Variants in TECRL observed in about 807,000 individuals in gnomAD.
TECRL encodes trans-2,3-enoyl-CoA reductase like, also known as trans-2,3-enoyl-CoA reductase-like.
TECRL carries 63 observed loss-of-function variants against 52.8 expected under a neutral mutation model. The observed-to-expected ratio is 1.19, with a 90% confidence interval of 0.97 to 1.47. TECRL has a LOEUF of 1.47. Ranked by LOEUF, TECRL falls within the 40% of genes most tolerant of loss-of-function variation. The pLI, the probability that TECRL is intolerant of heterozygous loss-of-function variation, is 0.00. For missense variants in TECRL, 482 were observed against 429.6 expected (o/e 1.12, Z -1.08); for synonymous variants, 164 against 141.9 (o/e 1.16, Z -1.10).
At chr4:64,285,361 T>C (rs977796026) in intron 9 of TECRL, among the ~76,000 whole-genome samples, 1 of 152,146 alleles carries the variant, frequency 6.6e-6, no homozygotes, top group Non-Finnish European at 1.5e-5. Context: ...CCCTTTGGCA[T>C]GGTTCTCATT....
Position 64,352,495 on chromosome 4 carries a change from T to C in TECRL, c.286+22677A>G, listed in dbSNP as rs79533573. On this transcript the variant is annotated intron_variant, in intron 2 of 11. Transcript: ENST00000381210. ...TATTGCTTTTCTCCAATGAAGATGC[T>C]GAGCTCAATAATTTCAATTACTTTT... Among the ~76,000 whole-genome samples the C allele has an allele frequency of 2.6e-3, 400 of 152,320 alleles. 11 individuals are homozygous for C. The East Asian group carries it at 0.062, about 24-fold the overall frequency.
intron 1 of TECRL, among the ~76,000 whole-genome samples, chr4:64,388,561 A>C (rs2109737916): frequency 6.6e-6 from 1 of 152,028 alleles, no homozygotes; most frequent in South Asian, 2.1e-4. Context: ...TGCACAAAAT[A>C]ACTTGCTGGG....
At chr4:64,406,233 G>A (rs1464105737) in intron 1 of TECRL, among the ~76,000 whole-genome samples, 3 of 151,280 alleles carry the variant, frequency 2.0e-5, no homozygotes, top group African/African-American at 7.3e-5. Flanking sequence ...TTTCATCCTA[G>A]GACTTTTCTC....
chr4:64,356,135 C>A (rs1335921814), intron 2 of TECRL, among the ~76,000 whole-genome samples: 1 of 152,162 alleles, frequency 6.6e-6, no homozygotes, highest in Admixed American at 6.5e-5. Flanking sequence ...CATCGCCATT[C>A]TCTAATCTCG....
chr4:64,326,781 C>T (rs1349411663), intron 3 of TECRL, among the ~76,000 whole-genome samples: 1 of 152,064 alleles, frequency 6.6e-6, no homozygotes, highest in Non-Finnish European at 1.5e-5. Flanking sequence ...AAATTTTACC[C>T]ATGAAAATCA....
Position 64,289,702 on chromosome 4 carries a change from G to A in TECRL, c.832+8C>T. 6.6e-7 allele frequency: 1 copy of A among 1,521,460 alleles called. No individual in the cohort carries two copies. The highest frequency in any genetic ancestry group is 8.7e-7 in the Non-Finnish European group (1 of 1,143,672). 94.2% of individuals were successfully genotyped at this position (1,521,460 alleles called of 1,614,324 possible). A position where few individuals can be genotyped will look rare whatever the true frequency, so the allele number is the denominator to read the frequency against. The stretch of plus-strand genomic sequence containing the variant: ...CTCTAAAGAAAAGAAAAAGAAAAAA[G>A]AACTAACCTGTGTGATTGGGATGAG... On this transcript the variant is annotated splice_region_variant and intron_variant, in intron 9 of 11. Transcript: ENST00000381210.
At chr4:64,314,840 C>T in intron 4 of TECRL, 77 bp from the exon 5 acceptor site, 3 of 1,002,522 alleles carry the variant, frequency 3.0e-6, no homozygotes, top group Non-Finnish European at 4.6e-6. Context: ...TGAGTATTAG[C>T]CTACTGCATA....
At chr4:64,350,190 A>G (rs913380147) in intron 2 of TECRL, among the ~76,000 whole-genome samples, 1 of 152,202 alleles carries the variant, frequency 6.6e-6, no homozygotes, top group Non-Finnish European at 1.5e-5. Context: ...TTTAGTTTCA[A>G]TTTATCCTGT....
downstream of TECRL, chr4:64,277,146 T>A (rs1283754853): frequency 6.0e-6 from 5 of 839,200 alleles, no homozygotes; most frequent in Admixed American, 2.5e-5. Flanking sequence ...AGGGAATAAC[T>A]GATACAAAAA....
At chr4:64,296,083 G>A (rs1377219830) in intron 8 of TECRL, among the ~76,000 whole-genome samples, 1 of 151,890 alleles carries the variant, frequency 6.6e-6, no homozygotes, top group Non-Finnish European at 1.5e-5. Context: ...TCAATGGTAG[G>A]TAAGTGATCA....
chr4:64,309,688 G>C (rs1724550738), intron 6 of TECRL, 138 bp downstream of exon 6: 5 of 677,702 alleles, frequency 7.4e-6, no homozygotes. Context: ...TGACATTTTA[G>C]GAAAAGAATG....
At chr4:64,373,415 T>C (rs1722119814) in intron 2 of TECRL, among the ~76,000 whole-genome samples, 1 of 151,862 alleles carries the variant, frequency 6.6e-6, no homozygotes, top group Admixed American at 6.6e-5. Context: ...AGGACATTTC[T>C]AGGATTTTTT....
chr4:64,379,759 T>G (rs1722649676), intron 1 of TECRL, among the ~76,000 whole-genome samples: 1 of 152,150 alleles, frequency 6.6e-6, no homozygotes, highest in South Asian at 2.1e-4. Context: ...TGTCTTTCAA[T>G]GCCTGGCGTT....
intron 1 of TECRL, among the ~76,000 whole-genome samples, chr4:64,387,574 G>A (rs909236927): frequency 1.3e-5 from 2 of 152,058 alleles, no homozygotes; most frequent in Admixed American, 6.6e-5. Context: ...AGCATATGAT[G>A]TCAGTGTTCT....
intron 2 of TECRL, among the ~76,000 whole-genome samples, chr4:64,361,204 A>G (rs1431761210): frequency 6.6e-6 from 1 of 152,130 alleles, no homozygotes; most frequent in African/African-American, 2.4e-5. Flanking sequence ...GCTTTTGCAG[A>G]CAGACCTCTG....
At chr4:64,353,048 T>C (rs1720509050) in intron 2 of TECRL, among the ~76,000 whole-genome samples, 1 of 152,200 alleles carries the variant, frequency 6.6e-6, no homozygotes, top group Non-Finnish European at 1.5e-5. Flanking sequence ...CACAAATTTT[T>C]ATACTACTGG....
chr4:64,333,007 A>C, intron 2 of TECRL, among the ~76,000 whole-genome samples: 1 of 152,088 alleles, frequency 6.6e-6, no homozygotes, highest in Non-Finnish European at 1.5e-5. Flanking sequence ...ATTACTGTAA[A>C]TAACTATATA....
At position 64,312,276 on chromosome 4, in the gene TECRL, A is replaced by G. The variant is rs139175512; in HGVS notation, c.552-2345T>C. 3.1e-4 allele frequency among the ~76,000 whole-genome samples: 47 copies of G among 152,308 alleles called. No homozygotes were observed. In the East Asian group the frequency reaches 8.9e-3, roughly 29 times the overall value. ...CATCATCCTGAAAATTAGGTGACAG[A>G]AGCCCTGTGATTATTTTCTAAATCT... On this transcript the variant is annotated intron_variant, in intron 5 of 11. Transcript: ENST00000381210.
At chr4:64,389,025 C>A (rs1366411448) in intron 1 of TECRL, among the ~76,000 whole-genome samples, 5 of 151,658 alleles carry the variant, frequency 3.3e-5, no homozygotes, top group African/African-American at 1.2e-4. Flanking sequence ...TGGGTTTTTC[C>A]AGACCAATTA....
Sources: gnomAD v4.1 joint callset for allele counts (sites outside exome capture counted in the v4.1 genomes callset) on GRCh38, gnomAD v4.1.1 for gene constraint, MANE v1.5 for transcripts, NCBI Gene and HGNC (gene_info 2026-07-23, HGNC 2026-07-21) for gene names.